GMDS: variants seen among roughly 807,000 people sequenced by gnomAD.
GMDS encodes GDP-mannose 4,6 dehydratase.
A neutral mutation model predicts 49.9 loss-of-function variants in GMDS; 20 were observed. The observed-to-expected ratio is 0.40, with a 90% CI of 0.28 to 0.58. The LOEUF is 0.58. Among genes scored for constraint, GMDS ranks in the 20% least tolerant of loss-of-function variants. The probability of loss-of-function intolerance (pLI) is 0.42; values close to 1 mark genes in which losing one functional copy is unlikely to be tolerated. For missense variants in GMDS, 362 were observed against 481.4 expected (o/e 0.75, Z 2.32); for synonymous variants, 177 against 178.6 (o/e 0.99, Z 0.07).
chr6:1,908,825 G>C (rs1760904258), intron 7 of GMDS, among the ~76,000 whole-genome samples: 1 of 152,142 alleles, frequency 6.6e-6, no homozygotes, highest in African/African-American at 2.4e-5. Flanking sequence ...CTAAAGATTA[G>C]AGCAGAAATT....
intron 4 of GMDS, among the ~76,000 whole-genome samples, chr6:1,995,480 A>T (rs987358613): frequency 6.7e-6 from 1 of 150,234 alleles, no homozygotes; most frequent in African/African-American, 2.5e-5. Context: ...ACAGTATTCC[A>T]TCCCTGTGTT....
chr6:1,969,731 A>G (rs1764493224), intron 4 of GMDS, among the ~76,000 whole-genome samples: 1 of 152,052 alleles, frequency 6.6e-6, no homozygotes, highest in African/African-American at 2.4e-5. Flanking sequence ...CCTTCCCCCA[A>G]GAGGCCTTCC....
At chr6:1,942,890 T>C (rs1762885618) in intron 6 of GMDS, among the ~76,000 whole-genome samples, 1 of 152,194 alleles carries the variant, frequency 6.6e-6, no homozygotes, top group Admixed American at 6.5e-5. Flanking sequence ...CAGCGAATAA[T>C]TCCATCTGGC....
chr6:1,858,966 G>GA (rs1554127322), intron 7 of GMDS, among the ~76,000 whole-genome samples: 772 of 57,554 alleles, frequency 0.013, 11 homozygotes, highest in African/African-American at 0.059. Flanking sequence ...TTTGTGTTTT[G>GA]GGGGGGGCAG....
At chr6:1,904,545 C>G (rs779704021) in intron 7 of GMDS, among the ~76,000 whole-genome samples, 5 of 152,204 alleles carry the variant, frequency 3.3e-5, no homozygotes, top group Non-Finnish European at 5.9e-5. Context: ...GTCCATTTAA[C>G]GAACGAATTT....
intron 9 of GMDS, among the ~76,000 whole-genome samples, chr6:1,692,172 T>C (rs1206270077): frequency 6.6e-6 from 1 of 152,250 alleles, no homozygotes; most frequent in African/African-American, 2.4e-5. Context: ...CTTGGACTTA[T>C]ACTAGTGATT....
intron 8 of GMDS, among the ~76,000 whole-genome samples, chr6:1,728,381 G>C (rs935629022): frequency 6.6e-6 from 1 of 152,182 alleles, no homozygotes; most frequent in African/African-American, 2.4e-5. Context: ...TCTTCGCAAA[G>C]AGAAACAAGT....
At chr6:2,243,284 C>G (rs1026608943) in intron 1 of GMDS, among the ~76,000 whole-genome samples, 1 of 152,200 alleles carries the variant, frequency 6.6e-6, no homozygotes, top group African/African-American at 2.4e-5. Flanking sequence ...TGGGGGCCCA[C>G]TTCCATACCT....
rs527421010 is a variant in GMDS at position 1,737,950 on chromosome 6, A to G, written c.890+4518T>C. ...ACATACACACCACACACACATACAC[A>G]GATACACACATACATACACACACAT... On this transcript the variant is annotated intron_variant, in intron 8 of 10. Coordinates refer to ENST00000380815, the MANE Select transcript of GMDS (RefSeq NM_001500.4). 4.7e-5 allele frequency among the ~76,000 whole-genome samples: 7 copies of G among 149,588 alleles called. No individual in the cohort carries two copies. In the East Asian group the frequency reaches 1.4e-3, roughly 30 times the overall value.
chr6:1,696,253 T>A (rs984593723), intron 9 of GMDS, among the ~76,000 whole-genome samples: 3 of 152,210 alleles, frequency 2.0e-5, no homozygotes, highest in Non-Finnish European at 4.4e-5. Context: ...CACACACCTA[T>A]AATCTGTGAC....
At position 2,184,282 on chromosome 6, in the gene GMDS, T is replaced by C. The variant is rs767173360; in HGVS notation, c.103-59551A>G. On this transcript the variant is annotated intron_variant, in intron 1 of 10. Transcript: ENST00000380815. ...TAAAATCCATATGCAGCAAAAGTGA[T>C]CTCAAACCACACGTGAGACACCACT... Among the ~76,000 whole-genome samples, 102 of 152,294 alleles carry C rather than the reference T, an allele frequency of 6.7e-4. 2 individuals carry two copies. In the Middle Eastern group the frequency reaches 0.017, roughly 25 times the overall value.
At chr6:2,160,716 T>C (rs1777356113) in intron 1 of GMDS, among the ~76,000 whole-genome samples, 1 of 152,012 alleles carries the variant, frequency 6.6e-6, no homozygotes, top group Non-Finnish European at 1.5e-5. Context: ...TTTGTAGAGA[T>C]GGAATTTCAC....
intron 7 of GMDS, among the ~76,000 whole-genome samples, chr6:1,928,781 C>G (rs1346071812): frequency 6.6e-6 from 1 of 152,038 alleles, no homozygotes; most frequent in Non-Finnish European, 1.5e-5. Flanking sequence ...CCCGCCTGGT[C>G]AAAATGGTGA....
intron 4 of GMDS, among the ~76,000 whole-genome samples, chr6:2,025,729 G>A (rs1377513260): frequency 6.6e-6 from 1 of 152,142 alleles, no homozygotes; most frequent in Non-Finnish European, 1.5e-5. Context: ...TGCTAAGTCA[G>A]TATGTTCTCC....
rs1270049252 is a variant in GMDS at position 2,159,037 on chromosome 6, T to C, written c.103-34306A>G. On this transcript the variant is annotated intron_variant, in intron 1 of 10. Coordinates refer to ENST00000380815, the MANE Select transcript of GMDS (RefSeq NM_001500.4). ...TCTGGATAAACACAGGTACTGAATATGTACTGAATTTTTCCTCAATTTTTT... is the reference window on the plus strand; with the variant it reads ...TCTGGATAAACACAGGTACTGAATACGTACTGAATTTTTCCTCAATTTTTT... 3.3e-5 allele frequency among the ~76,000 whole-genome samples: 5 copies of C among 152,228 alleles called. No individual in the cohort carries two copies. The East Asian group carries it at 7.7e-4, about 23-fold the overall frequency.
intron 7 of GMDS, among the ~76,000 whole-genome samples, chr6:1,881,202 C>T (rs908741110): frequency 6.6e-6 from 1 of 152,082 alleles, no homozygotes; most frequent in Non-Finnish European, 1.5e-5. Context: ...AGAAAAGCAG[C>T]CTTTCCTGCA....
intron 1 of GMDS, among the ~76,000 whole-genome samples, chr6:2,185,861 C>T (rs976182089): frequency 1.3e-5 from 2 of 152,168 alleles, no homozygotes; most frequent in African/African-American, 4.8e-5. Context: ...CTAGAATATG[C>T]TCACATTCCT....
chr6:1,856,630 G>C (rs116887114), intron 7 of GMDS, among the ~76,000 whole-genome samples: 1 of 152,220 alleles, frequency 6.6e-6, no homozygotes, highest in African/African-American at 2.4e-5. Context: ...AAGCTGTAGC[G>C]GATCTGGACA....
chr6:2,167,632 C>T (rs1777733688), intron 1 of GMDS, among the ~76,000 whole-genome samples: 1 of 152,196 alleles, frequency 6.6e-6, no homozygotes, highest in African/African-American at 2.4e-5. Context: ...TCTTCCCCCA[C>T]CCTCACACGT....
Sources: allele counts gnomAD v4.1 joint callset (sites outside exome capture counted in the v4.1 genomes callset), GRCh38; gene constraint gnomAD v4.1.1; transcripts MANE v1.5; gene names NCBI Gene and HGNC (gene_info 2026-07-23, HGNC 2026-07-21).